The following ZFP42 variants were observed in gnomAD, a reference collection of about 807,000 sequenced individuals.
The protein encoded by ZFP42 is ZFP42 zinc finger protein.
For synonymous variants in ZFP42, 175 were observed against 144.6 expected (o/e 1.21, Z -1.51); for missense variants, 438 against 377.1 (o/e 1.16, Z -1.34).
chr4:188,001,774 G>A (rs1361471296), intron 3 of ZFP42, among the ~76,000 whole-genome samples: 1 of 152,192 alleles, frequency 6.6e-6, no homozygotes, highest in Non-Finnish European at 1.5e-5. Flanking sequence ...GAATAAAAAG[G>A]TAATAAAATA....
In ZFP42 at chr4:188,002,833, C is replaced by T. The variant is rs755207255; in HGVS notation, c.26C>T (p.Ala9Val). The T allele has an allele frequency of 4.3e-6, 7 of 1,613,948 alleles. No individual in the cohort carries two copies. In the Admixed American group the frequency reaches 8.3e-5, roughly 19 times the overall value. ...ATGAGCCAGCAACTGAAGAAACGGG[C>T]AAAGACAAGACACCAGAAAGGCCTG... MSQQLKKR[A>V]KTRHQKGLGG... The change falls in exon 4 of 4, where the codon GCA becomes GTA. Residue 9 changes from alanine to valine, a missense_variant. By Grantham distance (64) the Ala-to-Val change is moderately conservative. Transcript: ENST00000326866.
intron 1 of ZFP42, among the ~76,000 whole-genome samples, chr4:187,998,082 A>G (rs1579116367): frequency 1.3e-5 from 2 of 152,226 alleles, no homozygotes; most frequent in East Asian, 3.9e-4. Flanking sequence ...CACGCCTGTA[A>G]TCCCAGCATT....
At chr4:187,998,875 G>A (rs557385883) in intron 1 of ZFP42, among the ~76,000 whole-genome samples, 9 of 152,142 alleles carry the variant, frequency 5.9e-5, no homozygotes, top group Non-Finnish European at 1.2e-4. Flanking sequence ...TCTGCTAACA[G>A]AAATTGGCTT....
intron 1 of ZFP42, among the ~76,000 whole-genome samples, chr4:187,997,014 G>A (rs112725806): frequency 0.11 from 2,523 of 23,062 alleles, 43 homozygotes; most frequent in African/African-American, 0.29. Flanking sequence ...AGCGTGGAGC[G>A]TGGAGCATGG....
At chr4:188,000,930 A>G (rs1733786852) in intron 3 of ZFP42, among the ~76,000 whole-genome samples, 1 of 152,062 alleles carries the variant, frequency 6.6e-6, no homozygotes, top group Non-Finnish European at 1.5e-5. Flanking sequence ...CCAGAGGCGG[A>G]GGTTGCAGTG....
intron 3 of ZFP42, among the ~76,000 whole-genome samples, chr4:188,000,857 C>CA (rs1553988061): frequency 6.6e-6 from 1 of 151,452 alleles, no homozygotes; most frequent in Non-Finnish European, 1.5e-5. Context: ...GGTGGCGGGG[C>CA]GGGGGGGCGC....
In ZFP42 at chr4:187,999,198, C is replaced by T. The variant is rs959975444; in HGVS notation, c.-248C>T. The T allele has an allele frequency of 1.3e-5, 2 of 152,312 alleles. No individual in the cohort carries two copies. The highest frequency in any genetic ancestry group is 4.8e-5 in the African/African-American group (2 of 41,372). The allele number at this position is 152,312 out of a possible 1,614,324, so 9.4% of individuals were successfully genotyped here. A position where few individuals can be genotyped will look rare whatever the true frequency, so the allele number is the denominator to read the frequency against. On this transcript the variant is annotated 5_prime_UTR_variant, in exon 2 of 4. Coordinates refer to ENST00000326866, the MANE Select transcript of ZFP42 (RefSeq NM_174900.5). ...CCACCTCAGCCTCCTGAATAGCTGA[C>T]CACCAGCACACTAGGCAAACCCACC...
chr4:187,995,957 T>C (rs1405654869), intron 1 of ZFP42, 117 bp downstream of exon 1: 1 of 152,200 alleles, frequency 6.6e-6, no homozygotes, highest in Non-Finnish European at 1.5e-5. Flanking sequence ...CGTGTTCTCA[T>C]CCTGGGACCA....
chr4:188,003,910 T>C lies in ZFP42; in HGVS notation c.*170T>C, dbSNP rs1733954042. 1 of 601,184 alleles carries C rather than the reference T, an allele frequency of 1.7e-6. No homozygotes were observed. Among genetic ancestry groups the C allele is most frequent in the Non-Finnish European group, 2.8e-6 (1 of 358,616 alleles). 37.2% of individuals were successfully genotyped at this position (601,184 alleles called of 1,614,324 possible). A position where few individuals can be genotyped will look rare whatever the true frequency, so the allele number is the denominator to read the frequency against. On this transcript the variant is annotated 3_prime_UTR_variant, in exon 4 of 4. Coordinates refer to ENST00000326866, the MANE Select transcript of ZFP42 (RefSeq NM_174900.5). ...ACTTTGTGATACCGTTTTAAGGACA[T>C]GGTGCATTTTTTTTTCTTTTATTTG... is the stretch of plus-strand genomic sequence containing the variant.
Position 188,003,296 on chromosome 4 carries a change from AG to A in ZFP42, c.490del (p.Asp164IlefsTer15). On this transcript the variant is annotated frameshift_variant, in exon 4 of 4. Coordinates refer to ENST00000326866, the MANE Select transcript of ZFP42 (RefSeq NM_174900.5). LOFTEE classifies it low-confidence loss of function (END_TRUNC). ...PGGIPGIDLS[D>X]PKQLAEFARK... ...GAGGAATACCTGGCATTGACCTATC[AG>A]ATCCTAAACAGCTCGCAGAATTTGC... is the stretch of plus-strand genomic sequence containing the variant. 1.9e-6 allele frequency: 3 copies of A among 1,614,096 alleles called. No individual in the cohort carries two copies. Among genetic ancestry groups the A allele is most frequent in the Non-Finnish European group, 2.5e-6 (3 of 1,180,044 alleles).
rs200251198 is a variant in ZFP42, at chr4:187,999,965, C to CTA, written c.-96+283_-96+284dup. Among the ~76,000 whole-genome samples, 10 of 152,254 alleles carry CTA rather than the reference C, an allele frequency of 6.6e-5. No individual in the cohort carries two copies. In the East Asian group the frequency reaches 1.5e-3, roughly 24 times the overall value. ...ATGGCTGAATAGTGAAATACAAGAG[C>CTA]TATAGATGGCAGGAGGTGAGCTTGG... On this transcript the variant is annotated intron_variant, in intron 3 of 3. Transcript: ENST00000326866.
chr4:188,001,174 GTT>G (rs548533645), intron 3 of ZFP42, among the ~76,000 whole-genome samples: 1 of 143,450 alleles, frequency 7.0e-6, no homozygotes, highest in Non-Finnish European at 1.5e-5. Flanking sequence ...CTGTTGAGGT[GTT>G]TTTTTTTTAA....
intron 3 of ZFP42, among the ~76,000 whole-genome samples, chr4:188,000,007 C>A (rs2111179811): frequency 6.6e-6 from 1 of 152,226 alleles, no homozygotes; most frequent in African/African-American, 2.4e-5. Flanking sequence ...AAGCAGCAGT[C>A]AATTAAATTG....
chr4:187,996,987 G>GGGAGCATGGAGCGTGGAGCGT (rs1560910986), intron 1 of ZFP42, among the ~76,000 whole-genome samples: 3 of 58,950 alleles, frequency 5.1e-5, no homozygotes, highest in African/African-American at 9.8e-5. Flanking sequence ...CATAGCTGTA[G>GGGAGCATGGAGCGTGGAGCGT]GGAGCATGGA....
chr4:188,002,760 T>C lies in ZFP42; in HGVS notation c.-48T>C, dbSNP rs1308666219. 3 of 1,534,918 alleles carry C rather than the reference T, an allele frequency of 2.0e-6. No individual in the cohort carries two copies. In the South Asian group the frequency reaches 3.5e-5, roughly 18 times the overall value. ...TCAGATCACTACTGCCTGGAGGTGG[T>C]TGATATATCCTGGTGTAAACCTTCA... On this transcript the variant is annotated 5_prime_UTR_variant, in exon 4 of 4. Coordinates refer to ENST00000326866, the MANE Select transcript of ZFP42 (RefSeq NM_174900.5).
chr4:188,002,872 C>G lies in ZFP42; in HGVS notation c.65C>G (p.Pro22Arg). 1 of 1,614,178 alleles carries G rather than the reference C, an allele frequency of 6.2e-7. No individual in the cohort carries two copies. Among genetic ancestry groups the G allele is most frequent in the Non-Finnish European group, 8.5e-7 (1 of 1,180,038 alleles). Residue 22 changes from proline (P) to arginine (R), a missense_variant, in exon 4 of 4, where the codon CCC (proline) becomes CGC (arginine). By Grantham distance (103) the Pro-to-Arg change is moderately radical. Transcript: ENST00000326866. ...RHQKGLGGRA[P>R]SGAKPRQGKS... ...CAGAAAGGCCTGGGTGGAAGAGCCC[C>G]CAGTGGGGCTAAGCCCAGGCAAGGC...
In ZFP42 at chr4:188,003,194, A is replaced by C. The variant is rs777050527; in HGVS notation, c.387A>C (p.Lys129Asn). 26 of 1,613,770 alleles carry C rather than the reference A, an allele frequency of 1.6e-5. No homozygotes were observed. Among genetic ancestry groups the C allele is most frequent in the Non-Finnish European group, 2.2e-5 (26 of 1,179,992 alleles). ...SLEYMKKGVKKELPQKIVGEN... is the reference protein window; with the variant it reads ...SLEYMKKGVKNELPQKIVGEN... ...AATACATGAAAAAAGGGGTAAAGAA[A>C]GAGCTTCCACAAAAGATAGTTGGAG... Residue 129 changes from lysine to asparagine, a missense_variant, in exon 4 of 4, where the codon AAA becomes AAC. Physicochemically the swap from Lys to Asn is moderately conservative, Grantham distance 94. Transcript: ENST00000326866.
At chr4:188,000,080 A>C (rs1244405691) in intron 3 of ZFP42, among the ~76,000 whole-genome samples, 2 of 152,106 alleles carry the variant, frequency 1.3e-5, no homozygotes. Context: ...TGGACATCAG[A>C]TTTTTTTGAA....
Position 188,002,784 on chromosome 4 carries a change from C to T in ZFP42, c.-24C>T. On this transcript the variant is annotated 5_prime_UTR_variant, in exon 4 of 4. Transcript: ENST00000326866. ...GTTGATATATCCTGGTGTAAACCTT[C>T]AAGAAGGGCACAGGCAGGAAAACAT... The T allele has an allele frequency of 6.2e-7, 1 of 1,608,372 alleles. No homozygotes were observed. The highest frequency in any genetic ancestry group is 8.5e-7 in the Non-Finnish European group (1 of 1,176,756).
Sources: allele counts gnomAD v4.1 joint callset (sites outside exome capture counted in the v4.1 genomes callset), GRCh38; gene constraint gnomAD v4.1.1; transcripts MANE v1.5; gene names NCBI Gene and HGNC (gene_info 2026-07-23, HGNC 2026-07-21).